The following MYO18A variants were observed in gnomAD, a reference collection of about 807,000 sequenced individuals.
The protein encoded by MYO18A is unconventional myosin-XVIIIa.
A neutral mutation model predicts 235.8 loss-of-function variants in MYO18A; 78 were observed. The ratio of observed to expected loss-of-function variants is 0.33; its 90% CI spans 0.28 to 0.40. The LOEUF (loss-of-function observed/expected upper bound fraction) is 0.40. Among genes scored for constraint, MYO18A ranks in the 10% least tolerant of loss-of-function variants. The probability of loss-of-function intolerance (pLI) is 1.00; values close to 1 mark genes in which losing one functional copy is unlikely to be tolerated. For synonymous variants in MYO18A, 977 were observed against 1,077.8 expected (o/e 0.91, Z 1.83); for missense variants, 2,215 against 2,699.3 (o/e 0.82, Z 3.98).
chr17:29,102,662 C>T, intron 21 of MYO18A, among the ~76,000 whole-genome samples: 1 of 152,162 alleles, frequency 6.6e-6, no homozygotes. Flanking sequence ...AAGCCAGAGA[C>T]AGCAGAAGCA....
At chr17:29,093,275 G>T in intron 32 of MYO18A, 48 bp downstream of exon 32, 1 of 1,510,538 alleles carries the variant, frequency 6.6e-7, no homozygotes. Context: ...TCCTCAGGCC[G>T]CATGGGCAGG....
At chr17:29,080,836 G>A (rs2066102866) in intron 41 of MYO18A, 2 of 985,358 alleles carry the variant, frequency 2.0e-6, no homozygotes, top group Non-Finnish European at 2.4e-6. Flanking sequence ...GGCCTTCCTA[G>A]GGGGCCTCTC....
chr17:29,173,001 C>T (rs1237771244), intron 1 of MYO18A, among the ~76,000 whole-genome samples: 1 of 151,784 alleles, frequency 6.6e-6, no homozygotes, highest in Non-Finnish European at 1.5e-5. Flanking sequence ...TTGATAATAT[C>T]AATCAATTAG....
At position 29,098,403 on chromosome 17, in the gene MYO18A, T is replaced by C. The variant is rs749463974; in HGVS notation, c.3823A>G (p.Lys1275Glu). 6.2e-7 allele frequency: 1 copy of C among 1,613,892 alleles called. No homozygotes were observed. The highest frequency in any genetic ancestry group is 2.2e-5 in the East Asian group (1 of 44,874). ...QLRSKLEKAE[K>E]ERNELRLNSD... The stretch of plus-strand genomic sequence containing the variant: ...TTGAGCCGCAGCTCGTTCCTCTCCT[T>C]CTCCGCCTTCTCGAGCTTGCTCCGC... Residue 1275 changes from lysine (K) to glutamate (E), a missense_variant, in exon 24 of 42, where the codon AAG (lysine) becomes GAG (glutamate). By Grantham distance (56) the Lys-to-Glu change is moderately conservative. Transcript: ENST00000527372.
chr17:29,090,464 T>C lies in MYO18A; in HGVS notation c.5388+68A>G. The C allele has an allele frequency of 2.8e-6, 4 of 1,409,782 alleles. No individual in the cohort carries two copies. The Admixed American group carries it at 6.0e-5, about 21-fold the overall frequency. 87.3% of individuals were successfully genotyped at this position (1,409,782 alleles called of 1,614,324 possible). ...GAAAAGCGCCTTCTAAACTGTGAAC[T>C]TGGGGGTTCCTCCCACACCTAGTGA... On this transcript the variant is annotated intron_variant, in intron 36 of 41. Transcript: ENST00000527372.
At chr17:29,093,937 A>G in intron 31 of MYO18A, 43 bp downstream of exon 31, 1 of 1,412,086 alleles carries the variant, frequency 7.1e-7, no homozygotes, top group South Asian at 1.2e-5. Flanking sequence ...CGGTGATGGG[A>G]ACAGGTGTTT....
Position 29,118,278 on chromosome 17 carries a change from C to T in MYO18A, c.1894-89G>A. On this transcript the variant is annotated intron_variant, in intron 9 of 41. Coordinates refer to ENST00000527372, the MANE Select transcript of MYO18A (RefSeq NM_078471.4). This position sits in a 1 kb window ranked among gnomAD's most constrained non-coding sequence, Gnocchi z 4.2. ...CAGGGCAAGGCTTGGGTAGAGCCAG[C>T]AGCTGGAGCTGGGCTCCCACTATTC... 1.3e-6 allele frequency: 2 copies of T among 1,551,562 alleles called. No individual in the cohort carries two copies. Among genetic ancestry groups the T allele is most frequent in the Non-Finnish European group, 1.7e-6 (2 of 1,143,092 alleles).
At chr17:29,142,747 A>T (rs2067768024) in intron 2 of MYO18A, among the ~76,000 whole-genome samples, 1 of 152,232 alleles carries the variant, frequency 6.6e-6, no homozygotes, top group East Asian at 1.9e-4. Context: ...GCCTGGTTTA[A>T]TCTTGGCTCT....
At chr17:29,081,131 C>T (rs889036985) in intron 41 of MYO18A, 1 of 460,986 alleles carries the variant, frequency 2.2e-6, no homozygotes, top group Non-Finnish European at 2.8e-6. Context: ...GGGAGGGAGG[C>T]GAAAGGAGGA....
rs749618619 is a variant in MYO18A at position 29,099,592 on chromosome 17, C to T, written c.3636+42G>A. The T allele has an allele frequency of 2.5e-6, 4 of 1,598,148 alleles. No homozygotes were observed. In the East Asian group the frequency reaches 9.0e-5, roughly 36 times the overall value. On this transcript the variant is annotated intron_variant, in intron 22 of 41. Transcript: ENST00000527372. ...CCCACCCCAGGAACTTGGCTGTGCC[C>T]ATCTAGGTTGGGGAGGGGGAGGGAT... is the stretch of plus-strand genomic sequence containing the variant.
intron 2 of MYO18A, among the ~76,000 whole-genome samples, chr17:29,159,897 C>G (rs1407845019): frequency 6.6e-6 from 1 of 152,242 alleles, no homozygotes; most frequent in Non-Finnish European, 1.5e-5. Flanking sequence ...GCCCGAGAAG[C>G]TGGCCTCTAA....
chr17:29,176,521 C>G (rs2068532722), intron 1 of MYO18A: 1 of 134,948 alleles, frequency 7.4e-6, no homozygotes, highest in Admixed American at 7.9e-5. Flanking sequence ...TAAATAAATA[C>G]AAAGGAAATA....
intron 2 of MYO18A, among the ~76,000 whole-genome samples, chr17:29,153,634 T>C (rs1053998652): frequency 6.6e-6 from 1 of 152,044 alleles, no homozygotes; most frequent in Non-Finnish European, 1.5e-5. Context: ...CACACACAAC[T>C]CCTCACCTGT....
At position 29,074,936 on chromosome 17, in the gene MYO18A, G is replaced by T. The variant is rs777444995; in HGVS notation, c.6021-22C>A. On this transcript the variant is annotated intron_variant, in intron 41 of 41. Transcript: ENST00000527372. The surrounding 1 kb of genome is among the most constrained non-coding windows in gnomAD (Gnocchi z 4.4). ...GGGGCTGCAGGGACCGAGGAATAAGGTTAGGGACAAATGACACTCCTACCA... is the reference window on the plus strand; with the variant it reads ...GGGGCTGCAGGGACCGAGGAATAAGTTTAGGGACAAATGACACTCCTACCA... The T allele has an allele frequency of 6.2e-7, 1 of 1,613,350 alleles. No homozygotes were observed. Among genetic ancestry groups the T allele is most frequent in the African/African-American group, 1.3e-5 (1 of 74,902 alleles).
chr17:29,103,220 C>T (rs1255257345), intron 21 of MYO18A, among the ~76,000 whole-genome samples: 1 of 152,254 alleles, frequency 6.6e-6, no homozygotes, highest in East Asian at 1.9e-4. Flanking sequence ...CTACCCAAGG[C>T]CTCCTGCCTC....
chr17:29,172,352 C>T (rs2068424578), intron 1 of MYO18A, among the ~76,000 whole-genome samples: 1 of 152,046 alleles, frequency 6.6e-6, no homozygotes, highest in African/African-American at 2.4e-5. Flanking sequence ...GTAATCCCAG[C>T]TACTCAGGAG....
chr17:29,076,919 C>G (rs184397007), intron 41 of MYO18A: 1 of 152,250 alleles, frequency 6.6e-6, no homozygotes, highest in Non-Finnish European at 1.5e-5. Context: ...GTGCTGCTGG[C>G]GAGCTCCAAG....
intron 1 of MYO18A, among the ~76,000 whole-genome samples, chr17:29,179,300 C>G (rs2068598254): frequency 6.6e-6 from 1 of 151,174 alleles, no homozygotes; most frequent in African/African-American, 2.4e-5. Context: ...TGGCCGCAAC[C>G]TTTCCAACTA....
rs1251563070 is a variant in MYO18A, at chr17:29,074,246, C to T, written c.*524G>A. The T allele has an allele frequency of 2.7e-6, 4 of 1,504,616 alleles. No individual in the cohort carries two copies. Among genetic ancestry groups the T allele is most frequent in the Non-Finnish European group, 3.6e-6 (4 of 1,110,350 alleles). 93.2% of individuals were successfully genotyped at this position (1,504,616 alleles called of 1,614,324 possible). A position where few individuals can be genotyped will look rare whatever the true frequency, so the allele number is the denominator to read the frequency against. On this transcript the variant is annotated 3_prime_UTR_variant, in exon 42 of 42. Coordinates refer to ENST00000527372, the MANE Select transcript of MYO18A (RefSeq NM_078471.4). The surrounding 1 kb of genome is among the most constrained non-coding windows in gnomAD (Gnocchi z 4.4). ...CCCAGCTACCACTACAGCCCCCTCC[C>T]ACTCTCAGGGATGCAGCTGTGATGG...
Sources: gnomAD v4.1 joint callset for allele counts (sites outside exome capture counted in the v4.1 genomes callset) on GRCh38, gnomAD v4.1.1 for gene constraint, Gnocchi (gnomAD v3.1) non-coding constraint, MANE v1.5 for transcripts, NCBI Gene and HGNC (gene_info 2026-07-23, HGNC 2026-07-21) for gene names.